The following ATP8A1 variants were observed in gnomAD, a reference collection of about 807,000 sequenced individuals.
The protein encoded by ATP8A1 is phospholipid-transporting ATPase IA.
A neutral mutation model predicts 177.7 loss-of-function variants in ATP8A1; 90 were observed. The observed-to-expected ratio is 0.51, with a 90% CI of 0.43 to 0.60. ATP8A1 has a LOEUF of 0.60. ATP8A1 is among the 20% of genes least tolerant of loss of function. The pLI is 0.00. For missense variants in ATP8A1, 1,072 were observed against 1,392.8 expected (o/e 0.77, Z 3.67); for synonymous variants, 493 against 485.9 (o/e 1.01, Z -0.19).
intron 31 of ATP8A1, among the ~76,000 whole-genome samples, chr4:42,444,982 G>A (rs773510721): frequency 4.6e-5 from 7 of 152,192 alleles, no homozygotes; most frequent in Non-Finnish European, 8.8e-5. Context: ...GAGTTTTCAA[G>A]CTTACTTTAC....
At chr4:42,507,622 G>C (rs1257419076) in intron 22 of ATP8A1, among the ~76,000 whole-genome samples, 3 of 150,730 alleles carry the variant, frequency 2.0e-5, no homozygotes, top group Non-Finnish European at 4.4e-5. Flanking sequence ...CTAGCTACTC[G>C]GGAGGCTGAG....
At chr4:42,601,394 A>G (rs1434947984) in intron 5 of ATP8A1, among the ~76,000 whole-genome samples, 4 of 148,718 alleles carry the variant, frequency 2.7e-5, no homozygotes, top group South Asian at 2.1e-4. Context: ...AGGCAGAAGA[A>G]GAGGCTACTA....
intron 33 of ATP8A1, among the ~76,000 whole-genome samples, chr4:42,435,010 G>T (rs879683356): frequency 6.6e-5 from 10 of 152,158 alleles, no homozygotes; most frequent in Non-Finnish European, 1.3e-4. Flanking sequence ...TGAAAAATAT[G>T]CCATAAAGTA....
At chr4:42,651,245 A>G (rs1741064868) in intron 1 of ATP8A1, among the ~76,000 whole-genome samples, 1 of 152,142 alleles carries the variant, frequency 6.6e-6, no homozygotes. Context: ...CTTCATCAGG[A>G]GCATGAAAAC....
At chr4:42,591,826 A>C (rs1417021082) in intron 6 of ATP8A1, among the ~76,000 whole-genome samples, 3 of 152,192 alleles carry the variant, frequency 2.0e-5, no homozygotes, top group Non-Finnish European at 4.4e-5. Context: ...AGTAATTAAA[A>C]ATTAAAAAAA....
At chr4:42,445,547 G>A (rs966002794) in intron 31 of ATP8A1, among the ~76,000 whole-genome samples, 1 of 152,168 alleles carries the variant, frequency 6.6e-6, no homozygotes, top group Non-Finnish European at 1.5e-5. Context: ...TGTGGTGATG[G>A]AAGTGATGTT....
intron 25 of ATP8A1, among the ~76,000 whole-genome samples, chr4:42,468,714 T>A (rs1193640695): frequency 6.6e-6 from 1 of 152,154 alleles, no homozygotes; most frequent in Non-Finnish European, 1.5e-5. Context: ...GTACAGTGTA[T>A]ACTGCTCGGG....
At chr4:42,549,239 A>T (rs1039096300) in intron 18 of ATP8A1, among the ~76,000 whole-genome samples, 177 bp from the exon 19 acceptor site, 1 of 152,230 alleles carries the variant, frequency 6.6e-6, no homozygotes, top group Non-Finnish European at 1.5e-5. Flanking sequence ...GGAAACAGAA[A>T]ATCCAAAACA....
chr4:42,487,415 T>C, intron 24 of ATP8A1, among the ~76,000 whole-genome samples: 1 of 152,112 alleles, frequency 6.6e-6, no homozygotes, highest in East Asian at 1.9e-4. Flanking sequence ...CCTACCGTGG[T>C]GAAGAAACAC....
intron 23 of ATP8A1, among the ~76,000 whole-genome samples, chr4:42,504,531 A>T (rs1204655285): frequency 6.6e-6 from 1 of 152,246 alleles, no homozygotes; most frequent in Non-Finnish European, 1.5e-5. Flanking sequence ...TTTAAAACAC[A>T]TCAAGAACCT....
intron 20 of ATP8A1, among the ~76,000 whole-genome samples, chr4:42,529,795 C>T (rs912903131): frequency 4.6e-5 from 7 of 152,134 alleles, no homozygotes; most frequent in Non-Finnish European, 7.4e-5. Flanking sequence ...GAAATCTTCC[C>T]GGTGGGCAGC....
At chr4:42,572,563 C>G (rs1037974440) in intron 14 of ATP8A1, among the ~76,000 whole-genome samples, 13 of 152,166 alleles carry the variant, frequency 8.5e-5, no homozygotes, top group African/African-American at 2.9e-4. Context: ...GATAAAAACT[C>G]AAGGTTAAGG....
chr4:42,641,010 G>GAAAAAAAAAAAAAAAAAAAAAAA (rs10609874), intron 1 of ATP8A1, among the ~76,000 whole-genome samples: 1 of 123,424 alleles, frequency 8.1e-6, no homozygotes. Flanking sequence ...CCCCTCACCA[G>GAAAAAAAAAAAAAAAAAAAAAAA]AAAAAAAAAA....
intron 20 of ATP8A1, among the ~76,000 whole-genome samples, chr4:42,525,506 G>C (rs1278812184): frequency 6.6e-6 from 1 of 152,152 alleles, no homozygotes; most frequent in Non-Finnish European, 1.5e-5. Flanking sequence ...ATTTCTGATT[G>C]TGTCACTTTA....
At chr4:42,556,065 A>G in intron 15 of ATP8A1, 25 bp from the exon 16 acceptor site, 1 of 1,556,118 alleles carries the variant, frequency 6.4e-7, no homozygotes, top group Non-Finnish European at 8.8e-7. Flanking sequence ...AAATAGAGTA[A>G]ACCCAGTTCA....
intron 1 of ATP8A1, among the ~76,000 whole-genome samples, chr4:42,642,502 A>G (rs983870208): frequency 1.4e-4 from 22 of 152,324 alleles, no homozygotes; most frequent in African/African-American, 5.1e-4. Context: ...AACCTCCACT[A>G]AACAGATTAA....
intron 15 of ATP8A1, among the ~76,000 whole-genome samples, chr4:42,566,018 G>T (rs73237904): frequency 0.032 from 4,917 of 152,212 alleles, 112 homozygotes; most frequent in Middle Eastern, 0.065. Flanking sequence ...TCTGCAGTAG[G>T]TAGCTACTGG....
intron 1 of ATP8A1, among the ~76,000 whole-genome samples, chr4:42,653,494 C>G (rs1326105613): frequency 6.6e-6 from 1 of 152,186 alleles, no homozygotes; most frequent in Non-Finnish European, 1.5e-5. Flanking sequence ...TGATTCCTCC[C>G]TTCCCATTCT....
intron 5 of ATP8A1, 29 bp downstream of exon 5, chr4:42,616,004 T>C: frequency 1.3e-6 from 2 of 1,596,718 alleles, no homozygotes; most frequent in Non-Finnish European, 1.7e-6. Flanking sequence ...GTTTGACAAA[T>C]ATGAGAAAAA....
Sources: gnomAD v4.1 joint callset for allele counts (sites outside exome capture counted in the v4.1 genomes callset) on GRCh38, gnomAD v4.1.1 for gene constraint, MANE v1.5 for transcripts, NCBI Gene and HGNC (gene_info 2026-07-23, HGNC 2026-07-21) for gene names.